MTAP: variants seen among roughly 807,000 people sequenced by gnomAD.
MTAP encodes the protein methylthioadenosine phosphorylase, also known as S-methyl-5'-thioadenosine phosphorylase.
Under a neutral mutation model 33.6 loss-of-function variants are expected in MTAP, and 33 were observed. The ratio of observed to expected loss-of-function variants is 0.98; its 90% CI spans 0.74 to 1.31. The LOEUF (loss-of-function observed/expected upper bound fraction) is 1.31. MTAP is among the 40% of genes most tolerant of loss of function. The probability of loss-of-function intolerance (pLI) is 0.00; values close to 1 mark genes in which losing one functional copy is unlikely to be tolerated. For missense variants in MTAP, 367 were observed against 360.0 expected, an observed-to-expected ratio of 1.02 and a Z score of -0.16; for synonymous variants, 148 against 125.7, an observed-to-expected ratio of 1.18 and a Z score of -1.19.
chr9:21,890,421 C>T (rs1053915405), intron 1 of MTAP, among the ~76,000 whole-genome samples: 1 of 152,208 alleles, frequency 6.6e-6, no homozygotes. Context: ...GGCTTCTGTG[C>T]TCATATCTGC....
downstream of MTAP, among the ~76,000 whole-genome samples, chr9:21,867,558 C>G (rs562337539): frequency 2.6e-5 from 4 of 152,172 alleles, no homozygotes; most frequent in African/African-American, 4.8e-5. Context: ...ATTCGGTTTG[C>G]AAATATTTTG....
intron 1 of MTAP, among the ~76,000 whole-genome samples, chr9:21,806,849 A>C (rs1359997419): frequency 6.6e-6 from 1 of 152,114 alleles, no homozygotes; most frequent in Non-Finnish European, 1.5e-5. Context: ...GCAGCCTCCC[A>C]GCTTTCATTC....
Position 21,838,092 on chromosome 9 carries a change from C to G in MTAP, c.450+82C>G, listed in dbSNP as rs113075040. On this transcript the variant is annotated intron_variant, in intron 5 of 7. Coordinates refer to ENST00000644715, the MANE Select transcript of MTAP (RefSeq NM_002451.4). ...TCTGGCATTTGGTTAATTGGCAGAGCGAGTGGCCCCATACCCTCACTCAAG... is the reference window on the plus strand; with the variant it reads ...TCTGGCATTTGGTTAATTGGCAGAGGGAGTGGCCCCATACCCTCACTCAAG... 5,433 of 1,111,110 alleles carry G rather than the reference C, an allele frequency of 4.9e-3. 32 individuals are homozygous for G. Among genetic ancestry groups the G allele is most frequent in the Middle Eastern group, 0.023 (113 of 5,002 alleles). The allele number at this position is 1,111,110 out of a possible 1,614,324, so 68.8% of individuals were successfully genotyped here. A position where few individuals can be genotyped will look rare whatever the true frequency, so the allele number is the denominator to read the frequency against.
intron 1 of MTAP, among the ~76,000 whole-genome samples, chr9:21,804,996 A>G (rs1240493070): frequency 2.0e-5 from 3 of 152,228 alleles, no homozygotes; most frequent in African/African-American, 4.8e-5. Flanking sequence ...GGCAGAGGGT[A>G]TGCAGAAAGC....
chr9:21,935,458 C>T (rs1819026965), downstream of MTAP: 1 of 151,362 alleles, frequency 6.6e-6, no homozygotes, highest in South Asian at 2.1e-4. Context: ...TCTTTAGTTG[C>T]ATATAAACTA....
chr9:21,816,147 C>T (rs545638534), intron 2 of MTAP, among the ~76,000 whole-genome samples: 84 of 152,224 alleles, frequency 5.5e-4, no homozygotes, highest in African/African-American at 2.0e-3. Flanking sequence ...TCTGGCTGTC[C>T]CAACCAAACC....
chr9:21,927,064 A>G (rs1477244187), intron 1 of MTAP, among the ~76,000 whole-genome samples: 1 of 152,218 alleles, frequency 6.6e-6, no homozygotes, highest in African/African-American at 2.4e-5. Context: ...TGGGAAAAAG[A>G]TCAGAAGCAA....
At chr9:21,926,765 C>T (rs1818875856) in intron 1 of MTAP, among the ~76,000 whole-genome samples, 1 of 152,084 alleles carries the variant, frequency 6.6e-6, no homozygotes, top group Non-Finnish European at 1.5e-5. Flanking sequence ...TGCATCTAGT[C>T]CAGACACTAG....
At chr9:21,841,550 A>G (rs1168090908) in intron 5 of MTAP, among the ~76,000 whole-genome samples, 1 of 152,180 alleles carries the variant, frequency 6.6e-6, no homozygotes, top group Non-Finnish European at 1.5e-5. Context: ...CATCTACCAG[A>G]GCAGGTGCTA....
rs1018254339 is a variant in MTAP, at chr9:21,864,376, A to G, written c.*2362A>G. 8 of 984,818 alleles carry G rather than the reference A, an allele frequency of 8.1e-6. No individual in the cohort carries two copies. The African/African-American group carries it at 1.4e-4, about 17-fold the overall frequency. 61.0% of individuals were successfully genotyped at this position (984,818 alleles called of 1,614,324 possible). On this transcript the variant is annotated 3_prime_UTR_variant, in exon 8 of 8. Coordinates refer to ENST00000644715, the MANE Select transcript of MTAP (RefSeq NM_002451.4). ...TTTTTTTTTTTTAATTTAAGCTAGT[A>G]TACTAAGTGAACACCATGGTCAGTT...
At chr9:21,805,631 A>G (rs996749929) in intron 1 of MTAP, among the ~76,000 whole-genome samples, 2 of 152,216 alleles carry the variant, frequency 1.3e-5, no homozygotes, top group Non-Finnish European at 2.9e-5. Flanking sequence ...GGGGTCATAA[A>G]GGTGGAGCCC....
At chr9:21,839,313 C>T (rs1449972718) in intron 5 of MTAP, among the ~76,000 whole-genome samples, 1 of 151,998 alleles carries the variant, frequency 6.6e-6, no homozygotes, top group Non-Finnish European at 1.5e-5. Flanking sequence ...AATAGATTTG[C>T]TATCCTGGGG....
chr9:21,815,096 C>T (rs187633244), intron 1 of MTAP, among the ~76,000 whole-genome samples: 132 of 152,332 alleles, frequency 8.7e-4, no homozygotes, highest in Middle Eastern at 3.4e-3. Flanking sequence ...CCATACTTGC[C>T]TACTTTTAGG....
chr9:21,917,387 C>A (rs545262235), intron 1 of MTAP, among the ~76,000 whole-genome samples: 1 of 152,252 alleles, frequency 6.6e-6, no homozygotes, highest in South Asian at 2.1e-4. Flanking sequence ...AAAGCAAGGC[C>A]TACCCTGGGT....
chr9:21,903,454 T>C (rs1050527901), intron 1 of MTAP, among the ~76,000 whole-genome samples: 1 of 152,278 alleles, frequency 6.6e-6, no homozygotes, highest in Non-Finnish European at 1.5e-5. Flanking sequence ...AAGAAAGTCC[T>C]TTTCAACTTC....
chr9:21,880,751 A>C (rs1817994057), intron 1 of MTAP, among the ~76,000 whole-genome samples: 1 of 152,146 alleles, frequency 6.6e-6, no homozygotes, highest in Admixed American at 6.6e-5. Context: ...CATTGCTGAA[A>C]GAAATAAGAC....
chr9:21,917,942 A>C (rs1270137270), intron 1 of MTAP, among the ~76,000 whole-genome samples: 2 of 152,224 alleles, frequency 1.3e-5, no homozygotes, highest in South Asian at 4.1e-4. Flanking sequence ...CTTTTGCGGC[A>C]ACTTGGATAG....
At chr9:21,903,814 T>C (rs888129406) in intron 1 of MTAP, among the ~76,000 whole-genome samples, 3 of 152,142 alleles carry the variant, frequency 2.0e-5, no homozygotes, top group Non-Finnish European at 2.9e-5. Flanking sequence ...GGGGTGAATA[T>C]TTACAGCTCC....
At chr9:21,836,117 T>A (rs561010092) in intron 4 of MTAP, among the ~76,000 whole-genome samples, 1 of 152,156 alleles carries the variant, frequency 6.6e-6, no homozygotes, top group Non-Finnish European at 1.5e-5. Context: ...CTATGAGTTA[T>A]CTGGGCATCT....
Sources: allele counts gnomAD v4.1 joint callset (sites outside exome capture counted in the v4.1 genomes callset), GRCh38; gene constraint gnomAD v4.1.1; transcripts MANE v1.5; gene names NCBI Gene and HGNC (gene_info 2026-07-23, HGNC 2026-07-21).